The following SYT2 variants were observed in gnomAD, a reference collection of about 807,000 sequenced individuals.
SYT2 encodes the protein synaptotagmin-2.
SYT2 carries 15 observed loss-of-function variants against 39.9 expected under a neutral mutation model. That is an observed-to-expected ratio of 0.38 (90% CI 0.25 to 0.58). The LOEUF is 0.58. Among genes scored for constraint, SYT2 ranks in the 20% least tolerant of loss-of-function variants. SYT2 has a pLI of 0.70. For missense variants in SYT2, 389 were observed against 530.3 expected (o/e 0.73, Z 2.62); for synonymous variants, 181 against 204.5 (o/e 0.89, Z 0.98).
chr1:202,666,503 C>T (rs1692484130), intron 1 of SYT2, among the ~76,000 whole-genome samples: 1 of 151,978 alleles, frequency 6.6e-6, no homozygotes, highest in Non-Finnish European at 1.5e-5. Flanking sequence ...ACTGGGGATG[C>T]TGGGGTAGGG....
intron 1 of SYT2, among the ~76,000 whole-genome samples, chr1:202,655,911 C>G (rs1433367967): frequency 6.6e-6 from 1 of 152,080 alleles, no homozygotes; most frequent in African/African-American, 2.4e-5. Flanking sequence ...GACCATGGAG[C>G]GAGTGGGCCT....
intron 1 of SYT2, among the ~76,000 whole-genome samples, chr1:202,649,602 C>A (rs1239753968): frequency 2.0e-5 from 3 of 152,200 alleles, no homozygotes; most frequent in Non-Finnish European, 4.4e-5. Context: ...AGGATCTGAA[C>A]CTCATCATCG....
At chr1:202,649,240 G>A (rs1432248300) in intron 1 of SYT2, among the ~76,000 whole-genome samples, 1 of 152,228 alleles carries the variant, frequency 6.6e-6, no homozygotes, top group Admixed American at 6.5e-5. Flanking sequence ...CAGACAGTAT[G>A]AGCATGTGTA....
chr1:202,607,224 C>T (rs1690738120), intron 1 of SYT2, among the ~76,000 whole-genome samples: 1 of 152,170 alleles, frequency 6.6e-6, no homozygotes, highest in Admixed American at 6.5e-5. Flanking sequence ...GGCAACAGCA[C>T]CCCTTGTGCC....
In SYT2 at chr1:202,593,788, A is replaced by C. The variant is rs1170747919; in HGVS notation, c.*2969T>G. ...TCTGGATGGGATTAGGCTTGTTTTC[A>C]TGGTCTCAGCTTCTCTAAAAATCAC... is the stretch of plus-strand genomic sequence containing the variant. On this transcript the variant is annotated 3_prime_UTR_variant, in exon 9 of 9. Transcript: ENST00000367268. The C allele has an allele frequency of 6.6e-6, 1 of 152,118 alleles. No individual in the cohort carries two copies. Among genetic ancestry groups the C allele is most frequent in the Non-Finnish European group, 1.5e-5 (1 of 68,028 alleles). 9.4% of individuals were successfully genotyped at this position (152,118 alleles called of 1,614,324 possible). A position where few individuals can be genotyped will look rare whatever the true frequency, so the allele number is the denominator to read the frequency against.
rs574725725 is a variant in SYT2, at chr1:202,604,735, C to A, written c.179-114G>T. ...TGACTGCCATCCCACAATGCCCACA[C>A]CCCACATTTTAAAAGCCACACACCC... On this transcript the variant is annotated intron_variant, in intron 2 of 8. Transcript: ENST00000367268. The A allele has an allele frequency of 6.8e-6, 7 of 1,022,886 alleles. No individual in the cohort carries two copies. In the Admixed American group the frequency reaches 1.3e-4, roughly 18 times the overall value. 63.4% of individuals were successfully genotyped at this position (1,022,886 alleles called of 1,614,324 possible). A position where few individuals can be genotyped will look rare whatever the true frequency, so the allele number is the denominator to read the frequency against.
At chr1:202,704,671 T>TA (rs1462008727) in intron 1 of SYT2, among the ~76,000 whole-genome samples, 1 of 152,026 alleles carries the variant, frequency 6.6e-6, no homozygotes. Flanking sequence ...AATACACACA[T>TA]ATGCACACAC....
chr1:202,633,330 G>A (rs1691647763), intron 1 of SYT2, among the ~76,000 whole-genome samples: 1 of 152,212 alleles, frequency 6.6e-6, no homozygotes, highest in Admixed American at 6.5e-5. Flanking sequence ...GGGCTGCAGT[G>A]ACTCCAGAGG....
chr1:202,663,601 T>A (rs1692427332), intron 1 of SYT2, among the ~76,000 whole-genome samples: 1 of 152,250 alleles, frequency 6.6e-6, no homozygotes, highest in Non-Finnish European at 1.5e-5. Context: ...GAGTATAATA[T>A]GCCTCATGTG....
intron 1 of SYT2, among the ~76,000 whole-genome samples, chr1:202,637,420 C>T (rs1229086854): frequency 6.6e-6 from 1 of 152,238 alleles, no homozygotes; most frequent in East Asian, 1.9e-4. Flanking sequence ...CGAGTCGGCT[C>T]AGGACAAAGT....
intron 1 of SYT2, among the ~76,000 whole-genome samples, chr1:202,620,873 G>C (rs1411951884): frequency 1.3e-5 from 2 of 152,286 alleles, no homozygotes; most frequent in East Asian, 3.9e-4. Context: ...CTCAGCCCAT[G>C]GTCAGCCTAC....
At position 202,610,919 on chromosome 1, in the gene SYT2, A is replaced by G. The variant is rs560848456; in HGVS notation, c.-17-5130T>C. 5.9e-5 allele frequency among the ~76,000 whole-genome samples: 9 copies of G among 152,224 alleles called. No homozygotes were observed. In the South Asian group the frequency reaches 1.0e-3, roughly 18 times the overall value. Reference sequence around the variant, plus strand: ...CTGCCCAAGGTAATTTATAGATTCAATGCCATCCCCATCAAGCTACCAATG... The same window carrying G: ...CTGCCCAAGGTAATTTATAGATTCAGTGCCATCCCCATCAAGCTACCAATG... On this transcript the variant is annotated intron_variant, in intron 1 of 8. Coordinates refer to ENST00000367268, the MANE Select transcript of SYT2 (RefSeq NM_177402.5).
chr1:202,604,313 A>C, intron 3 of SYT2, 142 bp downstream of exon 3: 115 of 773,562 alleles, frequency 1.5e-4, no homozygotes, highest in Middle Eastern at 2.8e-4. Context: ...GTGTTATACT[A>C]GAGATGTAAC....
At chr1:202,657,697 G>GA (rs1438479086) in intron 1 of SYT2, among the ~76,000 whole-genome samples, 1 of 151,958 alleles carries the variant, frequency 6.6e-6, no homozygotes, top group Non-Finnish European at 1.5e-5. Flanking sequence ...TCTGGGTCCA[G>GA]AAACTGAGTG....
intron 1 of SYT2, among the ~76,000 whole-genome samples, chr1:202,608,925 G>A (rs1455622873): frequency 6.6e-6 from 1 of 151,988 alleles, no homozygotes; most frequent in African/African-American, 2.4e-5. Flanking sequence ...TGTGCACAAT[G>A]TGCAGGTTAG....
chr1:202,665,487 C>A (rs946751173), intron 1 of SYT2, among the ~76,000 whole-genome samples: 1 of 152,160 alleles, frequency 6.6e-6, no homozygotes, highest in African/African-American at 2.4e-5. Flanking sequence ...TGGACTAAAG[C>A]AACCAAGGGA....
At chr1:202,675,902 T>C (rs780521356) in intron 1 of SYT2, among the ~76,000 whole-genome samples, 17 of 152,258 alleles carry the variant, frequency 1.1e-4, no homozygotes, top group Admixed American at 6.5e-4. Flanking sequence ...TGCATTACAC[T>C]GTGCTAAACA....
At chr1:202,672,925 C>T (rs1474826394) in intron 1 of SYT2, among the ~76,000 whole-genome samples, 1 of 151,442 alleles carries the variant, frequency 6.6e-6, no homozygotes, top group Non-Finnish European at 1.5e-5. Context: ...CTAGACATAT[C>T]ACAGGAAAAC....
intron 1 of SYT2, among the ~76,000 whole-genome samples, chr1:202,655,132 G>A (rs1692257532): frequency 6.6e-6 from 1 of 152,118 alleles, no homozygotes; most frequent in African/African-American, 2.4e-5. Flanking sequence ...GTGTCAAAGT[G>A]GAGTCGCTGA....
Sources: allele counts gnomAD v4.1 joint callset (sites outside exome capture counted in the v4.1 genomes callset), GRCh38; gene constraint gnomAD v4.1.1; transcripts MANE v1.5; gene names NCBI Gene and HGNC (gene_info 2026-07-23, HGNC 2026-07-21).